The following TTK variants were observed in gnomAD, a reference collection of about 807,000 sequenced individuals.
TTK encodes the protein TTK protein kinase.
In TTK, 59 loss-of-function variants were observed where a neutral mutation model predicts 117.3. That is an observed-to-expected ratio of 0.50 (90% CI 0.41 to 0.62). TTK has a LOEUF of 0.62. Among genes scored for constraint, TTK ranks in the 20% least tolerant of loss-of-function variants. TTK has a pLI of 0.00. For synonymous variants in TTK, 302 were observed against 325.0 expected, an observed-to-expected ratio of 0.93 and a Z score of 0.76; for missense variants, 921 against 989.4, an observed-to-expected ratio of 0.93 and a Z score of 0.93.
intron 9 of TTK, 156 bp downstream of exon 9, chr6:80,013,522 G>T (rs879875955): frequency 3.5e-6 from 2 of 577,328 alleles, no homozygotes; most frequent in South Asian, 4.8e-5. Flanking sequence ...CGAGTGGGAA[G>T]TTGGTGCAGA....
chr6:80,012,304 G>A (rs1767181851), intron 8 of TTK, among the ~76,000 whole-genome samples: 1 of 152,002 alleles, frequency 6.6e-6, no homozygotes, highest in South Asian at 2.1e-4. Flanking sequence ...TTTTGTTTGA[G>A]AGTCTCCATA....
intron 13 of TTK, among the ~76,000 whole-genome samples, chr6:80,031,218 G>GT (rs1449371796): frequency 6.6e-6 from 1 of 151,468 alleles, no homozygotes; most frequent in African/African-American, 2.4e-5. Context: ...ATATTAAGTG[G>GT]TTTTTTCCTC....
chr6:80,011,597 A>G, intron 6 of TTK, 49 bp downstream of exon 6: 1 of 1,563,784 alleles, frequency 6.4e-7, no homozygotes, highest in East Asian at 2.2e-5. Flanking sequence ...ATGTAAGTAC[A>G]TCTGTGTTTT....
intron 1 of TTK, among the ~76,000 whole-genome samples, chr6:80,005,244 C>T (rs1348645793): frequency 6.6e-6 from 1 of 152,108 alleles, no homozygotes; most frequent in East Asian, 1.9e-4. Flanking sequence ...CAAACACCAC[C>T]ACCATGCAGA....
intron 18 of TTK, 107 bp from the exon 19 acceptor site, chr6:80,039,589 C>A: frequency 1.2e-6 from 1 of 807,622 alleles, no homozygotes; most frequent in African/African-American, 1.8e-5. Context: ...AGTACACATT[C>A]ATTGAGATTT....
chr6:80,034,969 T>G lies in TTK; in HGVS notation c.1615-16T>G, dbSNP rs546432409. On this transcript the variant is annotated splice_polypyrimidine_tract_variant and intron_variant, in intron 14 of 21. Transcript: ENST00000369798. The stretch of plus-strand genomic sequence containing the variant: ...TAAATAGTATATTCTAAACTTCTCT[T>G]TGTTCTACTCTGTAGGTATTTCAGG... The G allele has an allele frequency of 6.7e-7, 1 of 1,495,088 alleles. No individual in the cohort carries two copies. Among genetic ancestry groups the G allele is most frequent in the East Asian group, 2.4e-5 (1 of 42,344 alleles). The allele number at this position is 1,495,088 out of a possible 1,614,324, so 92.6% of individuals were successfully genotyped here.
At chr6:80,008,186 T>G (rs1460166586) in intron 3 of TTK, among the ~76,000 whole-genome samples, 155 bp downstream of exon 3, 2 of 152,166 alleles carry the variant, frequency 1.3e-5, no homozygotes, top group Non-Finnish European at 2.9e-5. Context: ...TAATGTAAAC[T>G]CTTTTCTATG....
chr6:80,013,140 C>T (rs239562), intron 8 of TTK, 139 bp from the exon 9 acceptor site: 407,207 of 685,224 alleles, frequency 0.59, 122,632 homozygotes, highest in Admixed American at 0.74. Context: ...TTATGTCACT[C>T]TAAAAAATGT....
intron 2 of TTK, among the ~76,000 whole-genome samples, chr6:80,006,789 G>GT (rs1452377295): frequency 6.6e-6 from 1 of 151,992 alleles, no homozygotes; most frequent in African/African-American, 2.4e-5. Flanking sequence ...GCAATAGGAG[G>GT]TAAAAATAGA....
chr6:80,037,221 C>T (rs1767928123), intron 17 of TTK, among the ~76,000 whole-genome samples: 1 of 152,046 alleles, frequency 6.6e-6, no homozygotes, highest in South Asian at 2.1e-4. Context: ...GTGAGTCCAC[C>T]TTAATCCCAG....
chr6:80,040,807 C>A, intron 21 of TTK, 104 bp downstream of exon 21: 1 of 933,716 alleles, frequency 1.1e-6, no homozygotes, highest in Non-Finnish European at 1.6e-6. Flanking sequence ...ATCATCAGAT[C>A]AGTTATGAAA....
Position 80,040,686 on chromosome 6 carries a change from A to G in TTK, c.2473A>G (p.Ile825Val). Residue 825 changes from isoleucine (I) to valine (V), a missense_variant, in exon 21 of 22, where the codon ATT becomes GTT. By Grantham distance (29) the Ile-to-Val change is conservative. Coordinates refer to ENST00000369798, the MANE Select transcript of TTK (RefSeq NM_003318.5). The stretch of plus-strand genomic sequence containing the variant: ...TGTTGGTCTGAATTCTCCTAACTCC[A>G]TTTTGAAAGCTGCTAAAGTAAGTAT... ...QLVGLNSPNSILKAAKTLYEH... is the reference protein window; with the variant it reads ...QLVGLNSPNSVLKAAKTLYEH... 3 of 1,611,592 alleles carry G rather than the reference A, an allele frequency of 1.9e-6. No homozygotes were observed. The highest frequency in any genetic ancestry group is 2.5e-6 in the Non-Finnish European group (3 of 1,178,384).
intron 8 of TTK, 71 bp downstream of exon 8, chr6:80,012,051 C>A (rs528155446): frequency 1.6e-6 from 2 of 1,215,824 alleles, no homozygotes; most frequent in East Asian, 2.4e-5. Context: ...GTCTTAAAGT[C>A]TTTTACTGAG....
At chr6:80,027,330 G>A (rs1043045823) in intron 12 of TTK, among the ~76,000 whole-genome samples, 5 of 152,058 alleles carry the variant, frequency 3.3e-5, no homozygotes, top group Admixed American at 6.6e-5. Flanking sequence ...AACTAAAATA[G>A]CGATAATAGA....
chr6:80,012,092 GT>G, intron 8 of TTK, 112 bp downstream of exon 8: 1 of 825,486 alleles, frequency 1.2e-6, no homozygotes, highest in Non-Finnish European at 1.8e-6. Flanking sequence ...TTTTTATTCA[GT>G]TTTAGAAGAT....
At chr6:80,018,338 G>C (rs1164146758) in intron 10 of TTK, among the ~76,000 whole-genome samples, 1 of 151,832 alleles carries the variant, frequency 6.6e-6, no homozygotes, top group Non-Finnish European at 1.5e-5. Context: ...ATAGCTGGCC[G>C]GGCACGGTGG....
At chr6:80,006,779 G>A (rs192958738) in intron 2 of TTK, among the ~76,000 whole-genome samples, 28 of 152,204 alleles carry the variant, frequency 1.8e-4, no homozygotes, top group African/African-American at 6.7e-4. Context: ...TCTTAGGAAA[G>A]CAATAGGAGG....
At position 80,035,000 on chromosome 6, in the gene TTK, A is replaced by G. The variant is rs1582112282; in HGVS notation, c.1630A>G (p.Asn544Asp). Residue 544 changes from asparagine (N) to aspartate (D), a missense_variant, in exon 15 of 22, where the codon AAT becomes GAT. Transcript: ENST00000369798. ...TACTCTGTAGGTATTTCAGGTGTTA[A>G]ATGAAAAGAAACAGATATATGCTAT... ...GGSSKVFQVL[N>D]EKKQIYAIKY... The G allele has an allele frequency of 1.3e-6, 2 of 1,568,564 alleles. No individual in the cohort carries two copies. Among genetic ancestry groups the G allele is most frequent in the Non-Finnish European group, 1.7e-6 (2 of 1,163,634 alleles).
rs1161491003 is a variant in TTK at position 80,007,881 on chromosome 6, A to G, written c.212A>G (p.Lys71Arg). 1 of 1,613,522 alleles carries G rather than the reference A, an allele frequency of 6.2e-7. No individual in the cohort carries two copies. Residue 71 changes from lysine (K) to arginine (R), a missense_variant, in exon 3 of 22, where the codon AAA becomes AGA. By Grantham distance (26) the Lys-to-Arg change is conservative (BLOSUM62 2). Transcript: ENST00000369798. ...GAGGACTGGTTGAGTTTGTTGCTCAAACTAGAGAAAAACAGTGTTCCGCTA... is the reference window on the plus strand; with the variant it reads ...GAGGACTGGTTGAGTTTGTTGCTCAGACTAGAGAAAAACAGTGTTCCGCTA... Reference protein sequence around the residue: ...NPEDWLSLLLKLEKNSVPLSD... With the variant: ...NPEDWLSLLLRLEKNSVPLSD...
Sources: gnomAD v4.1 joint callset for allele counts (sites outside exome capture counted in the v4.1 genomes callset) on GRCh38, gnomAD v4.1.1 for gene constraint, MANE v1.5 for transcripts, NCBI Gene and HGNC (gene_info 2026-07-23, HGNC 2026-07-21) for gene names.